The following GPC6 variants were observed in gnomAD, a reference collection of about 807,000 sequenced individuals.
GPC6 encodes glypican-6.
GPC6 carries 14 observed loss-of-function variants against 55.2 expected under a neutral mutation model. The observed-to-expected ratio is 0.25, with a 90% CI of 0.17 to 0.40. The LOEUF is 0.40. GPC6 is among the 10% of genes least tolerant of loss of function. The pLI is 1.00. For synonymous variants in GPC6, 278 were observed against 259.6 expected, an observed-to-expected ratio of 1.07 and a Z score of -0.68; for missense variants, 641 against 708.5, an observed-to-expected ratio of 0.90 and a Z score of 1.08.
In GPC6 at chr13:93,358,505, C is replaced by T. The variant is rs149158049; in HGVS notation, c.160+130889C>T. Reference sequence around the variant, plus strand: ...AGACACAATGAAATGAAGGAACCAGCCACAGGTCCCACCGCCCTTAAGTAG... The same window carrying T: ...AGACACAATGAAATGAAGGAACCAGTCACAGGTCCCACCGCCCTTAAGTAG... On this transcript the variant is annotated intron_variant, in intron 1 of 8. Coordinates refer to ENST00000377047, the MANE Select transcript of GPC6 (RefSeq NM_005708.5). Among the ~76,000 whole-genome samples the T allele has an allele frequency of 3.3e-3, 507 of 152,246 alleles. 5 individuals carry two copies. Among genetic ancestry groups the T allele is most frequent in the African/African-American group, 0.012 (491 of 41,548 alleles).
At chr13:93,565,656 G>A (rs142836084) in intron 2 of GPC6, among the ~76,000 whole-genome samples, 1 of 152,088 alleles carries the variant, frequency 6.6e-6, no homozygotes, top group Non-Finnish European at 1.5e-5. Flanking sequence ...GGGCACGGTG[G>A]CTCACACCTT....
intron 2 of GPC6, among the ~76,000 whole-genome samples, chr13:93,619,260 G>T (rs1486291478): frequency 6.6e-6 from 1 of 152,018 alleles, no homozygotes; most frequent in Non-Finnish European, 1.5e-5. Flanking sequence ...GTCTTCTAAG[G>T]ATTTTCCTAA....
At chr13:94,400,665 C>T (rs1271589865) in intron 8 of GPC6, among the ~76,000 whole-genome samples, 3 of 152,198 alleles carry the variant, frequency 2.0e-5, no homozygotes, top group African/African-American at 7.2e-5. Context: ...AGTCCCTACA[C>T]TGCCCCAGAT....
intron 2 of GPC6, among the ~76,000 whole-genome samples, chr13:93,589,637 A>G (rs1156332797): frequency 6.6e-6 from 1 of 152,172 alleles, no homozygotes; most frequent in Non-Finnish European, 1.5e-5. Flanking sequence ...CTGTCCAGTG[A>G]CTAAAGTCTG....
At chr13:94,021,448 GC>G (rs1218198527) in intron 3 of GPC6, among the ~76,000 whole-genome samples, 1 of 151,920 alleles carries the variant, frequency 6.6e-6, no homozygotes, top group Non-Finnish European at 1.5e-5. Context: ...TTATTACATG[GC>G]TAAGAACATG....
chr13:93,886,516 G>A (rs2140313981), intron 3 of GPC6, among the ~76,000 whole-genome samples: 1 of 152,052 alleles, frequency 6.6e-6, no homozygotes, highest in East Asian at 1.9e-4. Flanking sequence ...TTCTGATCTT[G>A]AAAATTTTGG....
chr13:93,510,009 T>A (rs1269914158), intron 1 of GPC6, among the ~76,000 whole-genome samples: 2 of 152,206 alleles, frequency 1.3e-5, no homozygotes, highest in African/African-American at 4.8e-5. Flanking sequence ...CTTTAAGGCA[T>A]ATTTTTGTTA....
intron 2 of GPC6, among the ~76,000 whole-genome samples, chr13:93,646,807 T>C (rs1322950668): frequency 6.6e-6 from 1 of 151,726 alleles, no homozygotes; most frequent in Non-Finnish European, 1.5e-5. Context: ...ATGATGTCTG[T>C]GGTGGAATGA....
In GPC6 at chr13:94,286,391, A is replaced by C. The variant is rs766453007; in HGVS notation, c.920A>C (p.Asn307Thr). The change falls in exon 5 of 9, where the codon AAC (asparagine) becomes ACC (threonine). Residue 307 changes from asparagine (N) to threonine (T), a missense_variant. Physicochemically the swap from Asn to Thr is moderately conservative, Grantham distance 65. Transcript: ENST00000377047. ...GCAGAGCGACTGGAGGGGCCATTCA[A>C]CATTGAGTCGGTCATGGACCCGATA... is the stretch of plus-strand genomic sequence containing the variant. ...LVAERLEGPF[N>T]IESVMDPIDV... 22 of 1,613,786 alleles carry C rather than the reference A, an allele frequency of 1.4e-5. No homozygotes were observed. Among genetic ancestry groups the C allele is most frequent in the Non-Finnish European group, 1.8e-5 (21 of 1,179,734 alleles).
intron 2 of GPC6, among the ~76,000 whole-genome samples, chr13:93,698,005 G>A (rs1882520805): frequency 6.6e-6 from 1 of 152,098 alleles, no homozygotes; most frequent in East Asian, 1.9e-4. Context: ...AAAATAATCT[G>A]ATTCCTAATT....
At chr13:93,896,982 A>C (rs996632056) in intron 3 of GPC6, among the ~76,000 whole-genome samples, 8 of 124,476 alleles carry the variant, frequency 6.4e-5, no homozygotes, top group African/African-American at 2.6e-4. Context: ...AAACCTCATT[A>C]TTCTTTTTTT....
chr13:93,852,117 A>C (rs952926611), intron 3 of GPC6, among the ~76,000 whole-genome samples: 10 of 151,886 alleles, frequency 6.6e-5, no homozygotes, highest in African/African-American at 2.2e-4. Flanking sequence ...TATTATAAAC[A>C]TGATGATACT....
At chr13:94,227,399 G>T (rs1350143015) in intron 4 of GPC6, among the ~76,000 whole-genome samples, 1 of 152,104 alleles carries the variant, frequency 6.6e-6, no homozygotes, top group Non-Finnish European at 1.5e-5. Flanking sequence ...AAATTAAATG[G>T]ATTATTGCAC....
intron 6 of GPC6, among the ~76,000 whole-genome samples, chr13:94,314,269 G>A (rs1406398114): frequency 1.3e-5 from 2 of 152,198 alleles, no homozygotes; most frequent in African/African-American, 4.8e-5. Context: ...AAAAGAATAT[G>A]TAGAAGGCAT....
At chr13:93,816,242 A>G (rs1886843091) in intron 2 of GPC6, among the ~76,000 whole-genome samples, 1 of 152,130 alleles carries the variant, frequency 6.6e-6, no homozygotes, top group African/African-American at 2.4e-5. Context: ...AATAGATGGA[A>G]ATTATCTATA....
chr13:93,319,781 G>A (rs927298825), intron 1 of GPC6, among the ~76,000 whole-genome samples: 24 of 152,052 alleles, frequency 1.6e-4, no homozygotes, highest in Middle Eastern at 3.4e-3. Context: ...ATTTCAGAAC[G>A]CTAGGCATGA....
At chr13:93,780,804 C>T (rs1885618369) in intron 2 of GPC6, among the ~76,000 whole-genome samples, 1 of 152,076 alleles carries the variant, frequency 6.6e-6, no homozygotes, top group African/African-American at 2.4e-5. Flanking sequence ...CATATTTATG[C>T]TTCCTGTGAT....
At chr13:94,063,894 G>GT (rs993220264) in intron 4 of GPC6, among the ~76,000 whole-genome samples, 3 of 152,116 alleles carry the variant, frequency 2.0e-5, no homozygotes, top group Admixed American at 6.5e-5. Context: ...GCCGCCACCA[G>GT]TTTTTTTGGA....
chr13:93,940,320 A>G (rs1878667319), intron 3 of GPC6, among the ~76,000 whole-genome samples: 1 of 152,036 alleles, frequency 6.6e-6, no homozygotes, highest in Admixed American at 6.6e-5. Flanking sequence ...AGTAAAAGAG[A>G]AAACCTCTTC....
Sources: gnomAD v4.1 joint callset for allele counts (sites outside exome capture counted in the v4.1 genomes callset) on GRCh38, gnomAD v4.1.1 for gene constraint, MANE v1.5 for transcripts, NCBI Gene and HGNC (gene_info 2026-07-23, HGNC 2026-07-21) for gene names.